NBPF15: variants seen among roughly 807,000 people sequenced by gnomAD.
NBPF15 encodes NBPF member 15.
In NBPF15, 74 loss-of-function variants were observed where a neutral mutation model predicts 62.2. The observed-to-expected ratio is 1.19, with a 90% CI of 0.99 to 1.44. NBPF15 has a LOEUF of 1.44. Ranked by LOEUF, NBPF15 falls within the 40% of genes most tolerant of loss-of-function variation. The pLI is 0.00. For synonymous variants in NBPF15, 244 were observed against 209.7 expected, an observed-to-expected ratio of 1.16 and a Z score of -1.41; for missense variants, 790 against 550.0, an observed-to-expected ratio of 1.44 and a Z score of -4.36.
chr1:144,424,245 T>G (rs1424673283), intron 20 of NBPF15, among the ~76,000 whole-genome samples: 224 of 151,686 alleles, frequency 1.5e-3, no homozygotes, highest in South Asian at 2.1e-3. Context: ...ATGCCATATT[T>G]TTCCAATCAA....
chr1:144,445,354 T>TATATATACACAC (rs1322315552), intron 6 of NBPF15, among the ~76,000 whole-genome samples: 3 of 104,476 alleles, frequency 2.9e-5, no homozygotes, highest in African/African-American at 1.1e-4. Context: ...TATATATATA[T>TATATATACACAC]ACACACACAC....
intron 6 of NBPF15, among the ~76,000 whole-genome samples, chr1:144,446,488 C>T (rs1687625847): frequency 6.6e-6 from 1 of 152,306 alleles, no homozygotes; most frequent in African/African-American, 2.4e-5. Flanking sequence ...AGGTATTCTA[C>T]TTTTTTCTCT....
intron 6 of NBPF15, among the ~76,000 whole-genome samples, chr1:144,442,263 T>C (rs1431005916): frequency 8.2e-6 from 1 of 122,252 alleles, no homozygotes; most frequent in East Asian, 2.2e-4. Flanking sequence ...ATGTAGGCCA[T>C]TATTAATATA....
intron 6 of NBPF15, among the ~76,000 whole-genome samples, chr1:144,440,890 C>T (rs1349661024): frequency 5.9e-5 from 9 of 151,442 alleles, no homozygotes; most frequent in African/African-American, 1.2e-4. Flanking sequence ...AGGATGGTCT[C>T]GATCTCCTGA....
Position 144,438,015 on chromosome 1 carries a change from T to C in NBPF15, c.208A>G (p.Met70Val). ...YEECKDLIKF[M>V]LRNERQFKEE... The stretch of plus-strand genomic sequence containing the variant: ...TTGAACTGTCGCTCATTCCTCAGCA[T>C]AAATTTTATGAGATCTTTGCACTCT... The change falls in exon 9 of 22, where the codon ATG (methionine) becomes GTG (valine). Residue 70 changes from methionine to valine, a missense_variant. Coordinates refer to ENST00000581897, the MANE Select transcript of NBPF15 (RefSeq NM_001385408.1). 7.4e-6 allele frequency: 12 copies of C among 1,611,700 alleles called. No homozygotes were observed. The highest frequency in any genetic ancestry group is 1.1e-5 in the South Asian group (1 of 90,982).
In NBPF15 at chr1:144,426,389, A is replaced by C. The variant is rs782291533; in HGVS notation, c.1327T>G (p.Cys443Gly). 2 of 831,162 alleles carry C rather than the reference A, an allele frequency of 2.4e-6. No individual in the cohort carries two copies. The highest frequency in any genetic ancestry group is 4.3e-6 in the Non-Finnish European group (2 of 466,818). 51.5% of individuals were successfully genotyped at this position (831,162 alleles called of 1,614,324 possible). ...PEVLQDSLDR[C>G]YSTPSDYLEL... is the part of the protein sequence containing the mutation. The stretch of plus-strand genomic sequence containing the variant: ...AGATAATCTGAAGGAGTCGAATAAC[A>C]TCTATCCAGTGAGTCCTGCAAGACT... Residue 443 changes from cysteine to glycine, a missense_variant, in exon 18 of 22, where the codon TGT becomes GGT. Transcript: ENST00000581897.
At chr1:144,445,260 G>A (rs1272605239) in intron 6 of NBPF15, among the ~76,000 whole-genome samples, 2 of 109,790 alleles carry the variant, frequency 1.8e-5, no homozygotes, top group African/African-American at 3.7e-5. Flanking sequence ...GTTTGTGTGT[G>A]TCTGTATATG....
chr1:144,432,528 G>A (rs1325547168), intron 13 of NBPF15, among the ~76,000 whole-genome samples: 2 of 151,684 alleles, frequency 1.3e-5, no homozygotes, highest in African/African-American at 4.9e-5. Flanking sequence ...TGGATAAAGA[G>A]TCAAGACCCA....
chr1:144,437,314 A>G (rs1405940598), intron 9 of NBPF15, among the ~76,000 whole-genome samples: 3 of 151,606 alleles, frequency 2.0e-5, no homozygotes, highest in Non-Finnish European at 4.4e-5. Context: ...CTCCTGCAAG[A>G]TCCTCGATGA....
At chr1:144,432,650 G>A (rs1408599271) in intron 13 of NBPF15, among the ~76,000 whole-genome samples, 3 of 151,864 alleles carry the variant, frequency 2.0e-5, no homozygotes, top group African/African-American at 7.3e-5. Context: ...AAAGGCAGGG[G>A]TTGCAATCCT....
intron 6 of NBPF15, among the ~76,000 whole-genome samples, chr1:144,445,391 G>A: frequency 7.0e-6 from 1 of 143,498 alleles, no homozygotes; most frequent in African/African-American, 2.5e-5. Flanking sequence ...ACGTTTGTGT[G>A]TGTGTGTGTA....
rs1310969981 is a variant in NBPF15 at position 144,432,644 on chromosome 1, G to A, written c.824+1129C>T. The stretch of plus-strand genomic sequence containing the variant: ...CCAAGCAAATGGAAAACAAAAAAAG[G>A]CAGGGGTTGCAATCCTAGTCTCTGA... On this transcript the variant is annotated intron_variant, in intron 13 of 21. Transcript: ENST00000581897. Among the ~76,000 whole-genome samples, 19 of 151,900 alleles carry A rather than the reference G, an allele frequency of 1.3e-4. No individual in the cohort carries two copies. The South Asian group carries it at 2.1e-3, about 17-fold the overall frequency.
chr1:144,426,424 T>C lies in NBPF15; in HGVS notation c.1292A>G (p.Lys431Arg). ...TGAGTCCTGCAAGACTTCAGGCTCTTTCTCATCCAGCAGCTCCCTGCTGAG... is the reference window on the plus strand; with the variant it reads ...TGAGTCCTGCAAGACTTCAGGCTCTCTCTCATCCAGCAGCTCCCTGCTGAG... ...PRLSRELLDE[K>R]EPEVLQDSLD... Residue 431 changes from lysine to arginine, a missense_variant, in exon 18 of 22, where the codon AAA (lysine) becomes AGA (arginine). Coordinates refer to ENST00000581897, the MANE Select transcript of NBPF15 (RefSeq NM_001385408.1). 2 of 806,032 alleles carry C rather than the reference T, an allele frequency of 2.5e-6. No homozygotes were observed. The highest frequency in any genetic ancestry group is 2.7e-5 in the South Asian group (2 of 74,282). The allele number at this position is 806,032 out of a possible 1,614,324, so 49.9% of individuals were successfully genotyped here.
intron 6 of NBPF15, among the ~76,000 whole-genome samples, chr1:144,441,285 T>G (rs1464872894): frequency 6.6e-6 from 1 of 151,732 alleles, no homozygotes; most frequent in Non-Finnish European, 1.5e-5. Flanking sequence ...GTTTTACATT[T>G]CTATGAAAGA....
intron 2 of NBPF15, among the ~76,000 whole-genome samples, chr1:144,459,851 T>C (rs2102930258): frequency 6.6e-6 from 1 of 151,786 alleles, no homozygotes; most frequent in African/African-American, 2.4e-5. Context: ...AACCAGAGTA[T>C]CCCTGCTAAA....
Position 144,436,981 on chromosome 1 carries a change from G to A in NBPF15, c.407C>T (p.Pro136Leu), listed in dbSNP as rs1341995477. ...HLQALLTPDE[P>L]DKSQGQDLQE... ...GAGGTCCTGCCCCTGGGACTTGTCC[G>A]GCTCATCCGGAGTGAGGAGGGCCTG... The change falls in exon 10 of 22, where the codon CCG becomes CTG. Residue 136 changes from proline (P) to leucine (L), a missense_variant. Pro to Leu is a moderately conservative substitution (Grantham distance 98). Transcript: ENST00000581897. 486 of 1,581,162 alleles carry A rather than the reference G, an allele frequency of 3.1e-4. 7 individuals carry two copies. The South Asian group carries it at 4.2e-3, about 14-fold the overall frequency.
intron 4 of NBPF15, among the ~76,000 whole-genome samples, chr1:144,455,087 AGGAGGAAGGAAG>A (rs1553546535): frequency 7.6e-6 from 1 of 130,978 alleles, no homozygotes; most frequent in African/African-American, 2.9e-5. Context: ...GAGGGAAGGA[AGGAGGAAGGAAG>A]GAAGGAAGGA....
chr1:144,451,151 A>C (rs1445766296), intron 4 of NBPF15, among the ~76,000 whole-genome samples: 2 of 151,642 alleles, frequency 1.3e-5, no homozygotes, highest in Non-Finnish European at 2.9e-5. Flanking sequence ...TCAGCAGGTA[A>C]ACACGTGAAC....
intron 6 of NBPF15, 43 bp from the exon 7 acceptor site, chr1:144,440,338 A>G: frequency 8.7e-7 from 1 of 1,143,582 alleles, no homozygotes; most frequent in South Asian, 1.6e-5. Flanking sequence ...GGTGTCATGG[A>G]ATCTTAGGAG....
Sources: gnomAD v4.1 joint callset for allele counts (sites outside exome capture counted in the v4.1 genomes callset) on GRCh38, gnomAD v4.1.1 for gene constraint, MANE v1.5 for transcripts, NCBI Gene and HGNC (gene_info 2026-07-23, HGNC 2026-07-21) for gene names.